FHIT: variants seen among roughly 807,000 people sequenced by gnomAD.
The protein encoded by FHIT is fragile histidine triad diadenosine triphosphatase, also known as bis(5'-adenosyl)-triphosphatase.
Under a neutral mutation model 17.9 loss-of-function variants are expected in FHIT, and 19 were observed. That is an observed-to-expected ratio of 1.06 (90% CI 0.74 to 1.56). The LOEUF is 1.56. FHIT is among the 40% of genes most tolerant of loss of function. The pLI is 0.00. For missense variants in FHIT, 248 were observed against 189.2 expected (o/e 1.31, Z -1.82); for synonymous variants, 81 against 69.7 (o/e 1.16, Z -0.81).
intron 5 of FHIT, among the ~76,000 whole-genome samples, chr3:60,156,991 T>C (rs1700727674): frequency 6.6e-6 from 1 of 152,058 alleles, no homozygotes; most frequent in Non-Finnish European, 1.5e-5. Flanking sequence ...ATGATTAAGA[T>C]ATATCTTTAT....
At chr3:60,583,031 T>C (rs2037796310) in intron 4 of FHIT, among the ~76,000 whole-genome samples, 1 of 151,790 alleles carries the variant, frequency 6.6e-6, no homozygotes, top group African/African-American at 2.4e-5. Flanking sequence ...AGAAGCAACA[T>C]GGTCCCTATG....
chr3:60,999,130 C>T (rs889927326), intron 3 of FHIT, among the ~76,000 whole-genome samples: 4 of 152,116 alleles, frequency 2.6e-5, no homozygotes, highest in African/African-American at 9.7e-5. Context: ...TGTTTTTGTT[C>T]TGAACCTCCT....
At chr3:60,087,219 A>C (rs528213497) in intron 5 of FHIT, among the ~76,000 whole-genome samples, 1 of 152,232 alleles carries the variant, frequency 6.6e-6, no homozygotes, top group African/African-American at 2.4e-5. Flanking sequence ...GGGCAGCAAT[A>C]CTTTAGGCCT....
intron 4 of FHIT, among the ~76,000 whole-genome samples, chr3:60,746,151 T>A (rs1211337171): frequency 6.6e-6 from 1 of 152,218 alleles, no homozygotes; most frequent in Non-Finnish European, 1.5e-5. Flanking sequence ...ACAGCTCCTG[T>A]GGTCATCAAT....
chr3:61,192,123 G>C (rs1357162949), intron 2 of FHIT, among the ~76,000 whole-genome samples: 1 of 152,176 alleles, frequency 6.6e-6, no homozygotes, highest in Non-Finnish European at 1.5e-5. Flanking sequence ...AAGGCAGCCA[G>C]TCTAAGAACT....
rs181377639 is a variant in FHIT at position 60,166,115 on chromosome 3, G to A, written c.104-151963C>T. ...AATATTATGTTTAAGCAAATCATGAGAATCAATTAAAAAGTGGCTAACATT... is the reference window on the plus strand; with the variant it reads ...AATATTATGTTTAAGCAAATCATGAAAATCAATTAAAAAGTGGCTAACATT... On this transcript the variant is annotated intron_variant, in intron 5 of 9. Transcript: ENST00000492590. Among the ~76,000 whole-genome samples the A allele has an allele frequency of 7.9e-5, 12 of 151,858 alleles. No individual in the cohort carries two copies. In the East Asian group the frequency reaches 1.6e-3, roughly 20 times the overall value.
intron 4 of FHIT, among the ~76,000 whole-genome samples, chr3:60,539,367 T>C (rs898180538): frequency 2.0e-5 from 3 of 152,186 alleles, no homozygotes; most frequent in East Asian, 3.8e-4. Context: ...AGTTCAACCA[T>C]TGTGGAAGAC....
intron 2 of FHIT, among the ~76,000 whole-genome samples, chr3:61,145,064 T>C (rs1053153186): frequency 6.6e-6 from 1 of 152,176 alleles, no homozygotes; most frequent in African/African-American, 2.4e-5. Context: ...ATTATCTATT[T>C]TTTAAATTTT....
chr3:61,076,528 G>A (rs1464042850), intron 2 of FHIT, among the ~76,000 whole-genome samples: 1 of 152,106 alleles, frequency 6.6e-6, no homozygotes, highest in Non-Finnish European at 1.5e-5. Context: ...TGTTTCTAAG[G>A]ACAAATAGGC....
At chr3:60,530,914 C>T (rs530608942) in intron 5 of FHIT, among the ~76,000 whole-genome samples, 9 of 152,244 alleles carry the variant, frequency 5.9e-5, no homozygotes, top group East Asian at 5.8e-4. Context: ...TCTAATAACC[C>T]AAGGGTAGGT....
At chr3:60,625,008 A>T (rs554746708) in intron 4 of FHIT, among the ~76,000 whole-genome samples, 1 of 152,228 alleles carries the variant, frequency 6.6e-6, no homozygotes, top group Admixed American at 6.5e-5. Flanking sequence ...TCTCAGGCTC[A>T]AGCAATCCTC....
intron 5 of FHIT, among the ~76,000 whole-genome samples, chr3:60,402,855 C>A (rs138701436): frequency 6.6e-6 from 1 of 152,144 alleles, no homozygotes; most frequent in Non-Finnish European, 1.5e-5. Context: ...TCCACATTTA[C>A]TGAAATAAAA....
chr3:60,796,387 G>A (rs1553730345), intron 4 of FHIT, among the ~76,000 whole-genome samples: 1 of 151,934 alleles, frequency 6.6e-6, no homozygotes, highest in African/African-American at 2.4e-5. Context: ...TAAGTCAGAT[G>A]CGTAATTCCT....
chr3:60,175,886 A>G (rs916792912), intron 5 of FHIT, among the ~76,000 whole-genome samples: 1 of 152,172 alleles, frequency 6.6e-6, no homozygotes, highest in African/African-American at 2.4e-5. Flanking sequence ...CTCAGTCTGA[A>G]GTAGCACACT....
chr3:61,093,577 G>A (rs924253665), intron 2 of FHIT, among the ~76,000 whole-genome samples: 3 of 152,218 alleles, frequency 2.0e-5, no homozygotes, highest in African/African-American at 7.2e-5. Flanking sequence ...GATTTGGAAG[G>A]AAAGGTACAT....
At chr3:60,279,457 A>C (rs1326054489) in intron 5 of FHIT, among the ~76,000 whole-genome samples, 2 of 152,174 alleles carry the variant, frequency 1.3e-5, no homozygotes, top group African/African-American at 4.8e-5. Flanking sequence ...CAGACAATTT[A>C]ACTGATGAAT....
At chr3:59,925,271 C>A (rs1039179608) in intron 7 of FHIT, among the ~76,000 whole-genome samples, 6 of 151,944 alleles carry the variant, frequency 3.9e-5, no homozygotes, top group Non-Finnish European at 8.8e-5. Flanking sequence ...ATCAAGCTAA[C>A]TTTTTTTCAT....
intron 5 of FHIT, among the ~76,000 whole-genome samples, chr3:60,179,324 T>C (rs1701821515): frequency 6.6e-6 from 1 of 152,234 alleles, no homozygotes; most frequent in South Asian, 2.1e-4. Context: ...CCTGTGCCCT[T>C]TCCCCTATAT....
At chr3:60,361,828 T>G (rs1338422788) in intron 5 of FHIT, among the ~76,000 whole-genome samples, 2 of 152,198 alleles carry the variant, frequency 1.3e-5, no homozygotes, top group Non-Finnish European at 2.9e-5. Flanking sequence ...AGGATAAATC[T>G]TTTTGAGGGA....
Sources: allele counts gnomAD v4.1 joint callset (sites outside exome capture counted in the v4.1 genomes callset), GRCh38; gene constraint gnomAD v4.1.1; transcripts MANE v1.5; gene names NCBI Gene and HGNC (gene_info 2026-07-23, HGNC 2026-07-21).